Variants in LRIG3 observed in about 807,000 individuals in gnomAD.
LRIG3 encodes leucine rich repeats and immunoglobulin like domains 3.
In LRIG3, 76 loss-of-function variants were observed where a neutral mutation model predicts 114.5. The observed-to-expected ratio is 0.66, with a 90% CI of 0.55 to 0.80. The LOEUF (loss-of-function observed/expected upper bound fraction) is 0.80, where lower values mean the gene tolerates loss of function less well. Among genes scored for constraint, LRIG3 ranks in the 30% least tolerant of loss-of-function variants. The pLI, the probability that LRIG3 is intolerant of heterozygous loss-of-function variation, is 0.00. For synonymous variants in LRIG3, 512 were observed against 519.8 expected (o/e 0.98, Z 0.20); for missense variants, 1,239 against 1,382.8 (o/e 0.90, Z 1.65).
At chr12:58,894,238 G>A (rs1331341406) in intron 3 of LRIG3, among the ~76,000 whole-genome samples, 1 of 152,182 alleles carries the variant, frequency 6.6e-6, no homozygotes, top group African/African-American at 2.4e-5. Flanking sequence ...AGCGTGCACA[G>A]TGCTGTCTTT....
chr12:58,898,420 C>T (rs932098328), intron 3 of LRIG3, among the ~76,000 whole-genome samples: 3 of 152,192 alleles, frequency 2.0e-5, no homozygotes, highest in African/African-American at 4.8e-5. Flanking sequence ...CATGTAAATA[C>T]TGTAGCCTCT....
chr12:58,872,923 G>A, intron 18 of LRIG3, 107 bp from the exon 19 acceptor site: 8 of 1,433,746 alleles, frequency 5.6e-6, no homozygotes, highest in Non-Finnish European at 1.9e-6. Context: ...ATGAGTAAGT[G>A]TTTTCTACAA....
intron 16 of LRIG3, among the ~76,000 whole-genome samples, chr12:58,876,064 A>T (rs77100007): frequency 0.024 from 3,612 of 152,154 alleles, 59 homozygotes; most frequent in South Asian, 0.066. Context: ...ATAAATAAAA[A>T]TAAATAAATA....
In LRIG3 at chr12:58,909,303, T is replaced by C. The variant is rs552606355; in HGVS notation, c.383+4679A>G. 3.3e-5 allele frequency among the ~76,000 whole-genome samples: 5 copies of C among 152,344 alleles called. No individual in the cohort carries two copies. The South Asian group carries it at 1.0e-3, about 32-fold the overall frequency. On this transcript the variant is annotated intron_variant, in intron 3 of 18. Transcript: ENST00000320743. ...TAATCTTAGAACAGTACCCAGAACATAGTAGGATTTGGTAAATATGTGCCT... is the reference window on the plus strand; with the variant it reads ...TAATCTTAGAACAGTACCCAGAACACAGTAGGATTTGGTAAATATGTGCCT...
intron 3 of LRIG3, among the ~76,000 whole-genome samples, chr12:58,909,374 T>G (rs192027119): frequency 4.9e-4 from 74 of 152,340 alleles, no homozygotes; most frequent in African/African-American, 1.8e-3. Context: ...TCTAATCCCT[T>G]CATTCTCCTT....
rs542755174 is a variant in LRIG3 at position 58,875,114 on chromosome 12, G to C, written c.2696-541C>G. Among the ~76,000 whole-genome samples, 19 of 152,310 alleles carry C rather than the reference G, an allele frequency of 1.2e-4. 1 individual carries two copies. The East Asian group carries it at 2.1e-3, about 17-fold the overall frequency. The stretch of plus-strand genomic sequence containing the variant: ...AGAAACTGGGCAGCAAGAGGTGGTG[G>C]GCTGAGAGAAAAGCAAATATGCAGA... On this transcript the variant is annotated intron_variant, in intron 16 of 18. Transcript: ENST00000320743.
chr12:58,913,803 T>C, intron 3 of LRIG3, 179 bp downstream of exon 3: 1 of 566,518 alleles, frequency 1.8e-6, no homozygotes, highest in Non-Finnish European at 3.1e-6. Context: ...ACATGAAATT[T>C]AGCAGTGAGA....
rs762474881 is a variant in LRIG3, at chr12:58,880,877, G to A, written c.1505C>T (p.Thr502Met). 7.1e-5 allele frequency: 115 copies of A among 1,611,820 alleles called. No individual in the cohort carries two copies. Among genetic ancestry groups the A allele is most frequent in the Middle Eastern group, 1.6e-4 (1 of 6,078 alleles). Residue 502 changes from threonine to methionine, a missense_variant, in exon 13 of 19, where the codon ACG becomes ATG. Thr to Met is a moderately conservative substitution (Grantham distance 81). Coordinates refer to ENST00000320743, the MANE Select transcript of LRIG3 (RefSeq NM_153377.5). ...VCDDFPKPQI[T>M]VQPETQSAIK... ...TGCCGACTGTGTTTCTGGCTGAACCGTGATCTGGGGTTTGGGAAAATCATC... is the reference window on the plus strand; with the variant it reads ...TGCCGACTGTGTTTCTGGCTGAACCATGATCTGGGGTTTGGGAAAATCATC...
chr12:58,913,934 C>T (rs1381489081), intron 3 of LRIG3, 48 bp downstream of exon 3: 1 of 1,532,588 alleles, frequency 6.5e-7, no homozygotes, highest in Non-Finnish European at 8.9e-7. Context: ...AACTCCCACT[C>T]AAGGTTCCTG....
chr12:58,880,985 C>T, intron 12 of LRIG3, 84 bp from the exon 13 acceptor site: 1 of 1,314,570 alleles, frequency 7.6e-7, no homozygotes. Flanking sequence ...CCAAGAAATG[C>T]AAAAACAGTG....
At chr12:58,877,103 G>C (rs538714935) in intron 15 of LRIG3, among the ~76,000 whole-genome samples, 4 of 152,290 alleles carry the variant, frequency 2.6e-5, no homozygotes, top group Admixed American at 2.6e-4. Context: ...TTAAAGGGCT[G>C]TTCCTGGTTC....
chr12:58,881,569 T>G (rs555929042), intron 12 of LRIG3, among the ~76,000 whole-genome samples: 1 of 152,312 alleles, frequency 6.6e-6, no homozygotes, highest in South Asian at 2.1e-4. Context: ...GCTAAGCAAC[T>G]CTTTCATTCT....
rs79739550 is a variant in LRIG3 at position 58,877,149 on chromosome 12, T to C, written c.2536+251A>G. 5.6e-3 allele frequency among the ~76,000 whole-genome samples: 856 copies of C among 152,330 alleles called. 7 individuals are homozygous for C. Among genetic ancestry groups the C allele is most frequent in the Middle Eastern group, 6.8e-3 (2 of 294 alleles). ...TCTTATGAAGGAGTTAGAAATATTT[T>C]AGTCAGTGACTTGGATTTTATCTCA... On this transcript the variant is annotated intron_variant, in intron 15 of 18. Transcript: ENST00000320743.
Position 58,878,818 on chromosome 12 carries a change from A to G in LRIG3, c.2083+6T>C. On this transcript the variant is annotated splice_donor_region_variant and intron_variant, in intron 14 of 18. Transcript: ENST00000320743. The stretch of plus-strand genomic sequence containing the variant: ...TATACTACAGAATCTTAACAAATTC[A>G]CCCACCTAGGACAGTCAGAGTTGCA... 6.2e-7 allele frequency: 1 copy of G among 1,607,896 alleles called. No homozygotes were observed. Among genetic ancestry groups the G allele is most frequent in the Non-Finnish European group, 8.5e-7 (1 of 1,175,340 alleles).
At position 58,886,855 on chromosome 12, in the gene LRIG3, T is replaced by C; in HGVS notation, c.1127A>G (p.Glu376Gly). ...LKNNEISWTI[E>G]DMNGAFSGLD... ...CCCAGAGAAAGCACCATTCATGTCT[T>C]CAATAGTCCAGGAAATTTCATTGTT... The change falls in exon 9 of 19, where the codon GAA becomes GGA. Residue 376 changes from glutamate (E) to glycine (G), a missense_variant. By Grantham distance (98) the Glu-to-Gly change is moderately conservative. Transcript: ENST00000320743. The C allele has an allele frequency of 6.2e-7, 1 of 1,613,690 alleles. No individual in the cohort carries two copies. Among genetic ancestry groups the C allele is most frequent in the Non-Finnish European group, 8.5e-7 (1 of 1,179,682 alleles).
At chr12:58,907,134 A>C (rs1872097022) in intron 3 of LRIG3, among the ~76,000 whole-genome samples, 1 of 152,018 alleles carries the variant, frequency 6.6e-6, no homozygotes, top group African/African-American at 2.4e-5. Flanking sequence ...GGCATCTTCC[A>C]CTGTCCCAGG....
intron 9 of LRIG3, among the ~76,000 whole-genome samples, 164 bp from the exon 10 acceptor site, chr12:58,886,066 T>C (rs756203858): frequency 2.0e-5 from 3 of 152,210 alleles, no homozygotes; most frequent in Non-Finnish European, 4.4e-5. Flanking sequence ...TTCAATAATG[T>C]AGTCGAACAT....
chr12:58,914,799 C>T (rs1331397581), intron 1 of LRIG3, among the ~76,000 whole-genome samples: 6 of 152,340 alleles, frequency 3.9e-5, no homozygotes, highest in African/African-American at 1.4e-4. Context: ...GCTTTGCATA[C>T]ATATTTGTTT....
intron 1 of LRIG3, among the ~76,000 whole-genome samples, chr12:58,918,863 AC>A (rs1872569997): frequency 6.6e-6 from 1 of 152,234 alleles, no homozygotes; most frequent in African/African-American, 2.4e-5. Flanking sequence ...CAAGGAATAT[AC>A]TTTCTGATGG....
Sources: allele counts gnomAD v4.1 joint callset (sites outside exome capture counted in the v4.1 genomes callset), GRCh38; gene constraint gnomAD v4.1.1; transcripts MANE v1.5; gene names NCBI Gene and HGNC (gene_info 2026-07-23, HGNC 2026-07-21).